YTHDF3: variants seen among roughly 807,000 people sequenced by gnomAD.
The protein encoded by YTHDF3 is YTH domain-containing family protein 3.
A neutral mutation model predicts 52.5 loss-of-function variants in YTHDF3; 9 were observed. The ratio of observed to expected loss-of-function variants is 0.17; its 90% CI spans 0.10 to 0.30. YTHDF3 has a LOEUF of 0.30. Among genes scored for constraint, YTHDF3 ranks in the 10% least tolerant of loss-of-function variants. The probability of loss-of-function intolerance (pLI) is 1.00; values close to 1 mark genes in which losing one functional copy is unlikely to be tolerated. For missense variants in YTHDF3, 534 were observed against 715.0 expected, an observed-to-expected ratio of 0.75 and a Z score of 2.89; for synonymous variants, 274 against 243.3, an observed-to-expected ratio of 1.13 and a Z score of -1.18.
Position 63,169,357 on chromosome 8 carries a change from C to G in YTHDF3, c.25-30C>G, listed in dbSNP as rs1275649162. On this transcript the variant is annotated intron_variant, in intron 1 of 4. Coordinates refer to ENST00000539294, the MANE Select transcript of YTHDF3 (RefSeq NM_152758.6). The stretch of plus-strand genomic sequence containing the variant: ...TTTTTCTTTTCTTCCTTTTTCTCCT[C>G]TTTACCGCATCTTTCGTCTTGCAAC... 3 of 1,595,230 alleles carry G rather than the reference C, an allele frequency of 1.9e-6. No homozygotes were observed. The Admixed American group carries it at 5.3e-5, about 28-fold the overall frequency.
At chr8:63,200,996 A>G (rs1809602063) in intron 4 of YTHDF3, among the ~76,000 whole-genome samples, 1 of 152,228 alleles carries the variant, frequency 6.6e-6, no homozygotes, top group Non-Finnish European at 1.5e-5. Flanking sequence ...AGGAATTGTT[A>G]TTCAGCAGGC....
At chr8:63,189,294 C>T (rs1386775525) in intron 4 of YTHDF3, among the ~76,000 whole-genome samples, 1 of 152,142 alleles carries the variant, frequency 6.6e-6, no homozygotes, top group African/African-American at 2.4e-5. Flanking sequence ...CCACAAGAGT[C>T]AGTTCAACTA....
intron 2 of YTHDF3, among the ~76,000 whole-genome samples, chr8:63,174,893 T>C (rs745356458): frequency 6.6e-6 from 1 of 152,232 alleles, no homozygotes; most frequent in Non-Finnish European, 1.5e-5. Context: ...TTTCATTCTT[T>C]ATTATACTAA....
At chr8:63,177,353 A>G in intron 3 of YTHDF3, among the ~76,000 whole-genome samples, 1 of 152,160 alleles carries the variant, frequency 6.6e-6, no homozygotes, top group Non-Finnish European at 1.5e-5. Flanking sequence ...TTCCTAGCAT[A>G]CATGGGAGGA....
rs1424177802 is a variant in YTHDF3, at chr8:63,212,573, C to T, written c.*2867C>T. 2 of 152,480 alleles carry T rather than the reference C, an allele frequency of 1.3e-5. No homozygotes were observed. The highest frequency in any genetic ancestry group is 2.9e-5 in the Non-Finnish European group (2 of 67,998). 9.4% of individuals were successfully genotyped at this position (152,480 alleles called of 1,614,324 possible). On this transcript the variant is annotated 3_prime_UTR_variant, in exon 5 of 5. Coordinates refer to ENST00000539294, the MANE Select transcript of YTHDF3 (RefSeq NM_152758.6). ...TCTTTTGTTATGCCATGTAAATTCC[C>T]TTTTTCGTATGATTAAAGGAAGGTT...
chr8:63,205,462 C>T lies in YTHDF3; in HGVS notation c.1735-4221C>T, dbSNP rs796689023. On this transcript the variant is annotated intron_variant, in intron 4 of 4. Coordinates refer to ENST00000539294, the MANE Select transcript of YTHDF3 (RefSeq NM_152758.6). Reference sequence around the variant, plus strand: ...TTTTTTTTTTTTTTTGAGATGGGGTCTGGCTCTGTTGCCCTGGCTGGAGTG... The same window carrying T: ...TTTTTTTTTTTTTTTGAGATGGGGTTTGGCTCTGTTGCCCTGGCTGGAGTG... 3.5e-5 allele frequency among the ~76,000 whole-genome samples: 5 copies of T among 143,676 alleles called. No homozygotes were observed. In the South Asian group the frequency reaches 6.5e-4, roughly 19 times the overall value. The allele number at this position is 143,676 out of a possible 152,430, so 94.3% of individuals were successfully genotyped here.
At chr8:63,171,341 A>T (rs977538750) in intron 2 of YTHDF3, among the ~76,000 whole-genome samples, 2 of 152,184 alleles carry the variant, frequency 1.3e-5, no homozygotes. Context: ...TCTTGTAATT[A>T]CAGTAGTTCA....
At chr8:63,202,786 T>G (rs1011253037) in intron 4 of YTHDF3, among the ~76,000 whole-genome samples, 9 of 152,046 alleles carry the variant, frequency 5.9e-5, no homozygotes, top group African/African-American at 1.9e-4. Flanking sequence ...TTAGCATGAA[T>G]TTTTTTAGAC....
chr8:63,172,640 G>A (rs774787975), intron 2 of YTHDF3: 13 of 482,626 alleles, frequency 2.7e-5, no homozygotes, highest in African/African-American at 2.0e-5. Context: ...TGGTATTGTC[G>A]CTGTTTTTGT....
chr8:63,209,840 A>G lies in YTHDF3; in HGVS notation c.*134A>G. On this transcript the variant is annotated 3_prime_UTR_variant, in exon 5 of 5. Transcript: ENST00000539294. ...CTTTGAACACTTTAACACAAAGTTG[A>G]CTCTTCTCGTAATGGTTTTCATCAG... is the stretch of plus-strand genomic sequence containing the variant. 1.2e-6 allele frequency: 1 copy of G among 850,146 alleles called. No homozygotes were observed. Among genetic ancestry groups the G allele is most frequent in the Non-Finnish European group, 1.8e-6 (1 of 566,182 alleles). The allele number at this position is 850,146 out of a possible 1,614,324, so 52.7% of individuals were successfully genotyped here.
chr8:63,185,359 G>T (rs1335346046), intron 3 of YTHDF3, among the ~76,000 whole-genome samples: 1 of 151,038 alleles, frequency 6.6e-6, no homozygotes, highest in South Asian at 2.1e-4. Flanking sequence ...TGATTTAATT[G>T]CAGTAATTCT....
At position 63,197,329 on chromosome 8, in the gene YTHDF3, C is replaced by T. The variant is rs538536078; in HGVS notation, c.1734+9584C>T. ...ATTTTTTCTTCTTTATAGGTGTAAT[C>T]GCTGTTACTTGATCATTGAAGTTAT... On this transcript the variant is annotated intron_variant, in intron 4 of 4. Transcript: ENST00000539294. 1.1e-4 allele frequency among the ~76,000 whole-genome samples: 16 copies of T among 152,100 alleles called. No individual in the cohort carries two copies. In the South Asian group the frequency reaches 1.9e-3, roughly 18 times the overall value.
chr8:63,189,742 AT>A (rs1326061561), intron 4 of YTHDF3, among the ~76,000 whole-genome samples: 5 of 152,192 alleles, frequency 3.3e-5, no homozygotes. Context: ...CCCTTGGTAT[AT>A]TTGATAAAGG....
chr8:63,184,824 A>G (rs1427658600), intron 3 of YTHDF3, among the ~76,000 whole-genome samples: 1 of 152,212 alleles, frequency 6.6e-6, no homozygotes, highest in African/African-American at 2.4e-5. Flanking sequence ...GCATAATTCT[A>G]CAAATTGTGA....
chr8:63,200,063 A>G (rs1174904644), intron 4 of YTHDF3, among the ~76,000 whole-genome samples: 1 of 152,202 alleles, frequency 6.6e-6, no homozygotes, highest in Non-Finnish European at 1.5e-5. Context: ...GCCTCTCACA[A>G]GGCTACAGTC....
chr8:63,189,965 A>G (rs1036812550), intron 4 of YTHDF3, among the ~76,000 whole-genome samples: 36 of 152,318 alleles, frequency 2.4e-4, no homozygotes, highest in African/African-American at 8.7e-4. Context: ...AAAAGTAGCT[A>G]CTGAGTCTTT....
At chr8:63,195,777 A>G (rs1809197643) in intron 4 of YTHDF3, among the ~76,000 whole-genome samples, 2 of 150,790 alleles carry the variant, frequency 1.3e-5, no homozygotes, top group African/African-American at 4.9e-5. Flanking sequence ...CCTGGGCAAC[A>G]TAGACCCTGT....
chr8:63,187,655 A>C lies in YTHDF3; in HGVS notation c.1644A>C (p.Lys548Asn). Reference protein sequence around the residue: ...VPLEKAKQVLKIIATFKHTTS... With the variant: ...VPLEKAKQVLNIIATFKHTTS... ...TAGAAAAAGCTAAGCAAGTGCTTAA[A>C]ATAATTGCTACTTTCAAGCATACCA... The change falls in exon 4 of 5, where the codon AAA becomes AAC. Residue 548 changes from lysine to asparagine, a missense_variant. Coordinates refer to ENST00000539294, the MANE Select transcript of YTHDF3 (RefSeq NM_152758.6). The C allele has an allele frequency of 6.2e-7, 1 of 1,611,122 alleles. No individual in the cohort carries two copies. The highest frequency in any genetic ancestry group is 8.5e-7 in the Non-Finnish European group (1 of 1,178,296).
chr8:63,176,074 A>G (rs1045684493), intron 3 of YTHDF3, among the ~76,000 whole-genome samples: 1 of 152,196 alleles, frequency 6.6e-6, no homozygotes, highest in Non-Finnish European at 1.5e-5. Context: ...TTGAAGAACA[A>G]TGCTATTAGG....
Sources: gnomAD v4.1 joint callset for allele counts (sites outside exome capture counted in the v4.1 genomes callset) on GRCh38, gnomAD v4.1.1 for gene constraint, MANE v1.5 for transcripts, NCBI Gene and HGNC (gene_info 2026-07-23, HGNC 2026-07-21) for gene names.